NDST4: variants seen among roughly 807,000 people sequenced by gnomAD.
NDST4 encodes N-heparan sulfate sulfotransferase 4.
In NDST4, 63 loss-of-function variants were observed where a neutral mutation model predicts 100.8. The observed-to-expected ratio is 0.62, with a 90% CI of 0.51 to 0.77. The LOEUF is 0.77. Among genes scored for constraint, NDST4 ranks in the 30% least tolerant of loss-of-function variants. NDST4 has a pLI of 0.00. For missense variants in NDST4, 943 were observed against 1,018.4 expected, an observed-to-expected ratio of 0.93 and a Z score of 1.01; for synonymous variants, 377 against 361.8, an observed-to-expected ratio of 1.04 and a Z score of -0.48.
At chr4:114,895,664 C>T (rs999779862) in intron 6 of NDST4, among the ~76,000 whole-genome samples, 1 of 152,036 alleles carries the variant, frequency 6.6e-6, no homozygotes, top group African/African-American at 2.4e-5. Flanking sequence ...ATACCAAAAT[C>T]GAGAAGAGAC....
chr4:115,042,731 CATT>C (rs555156444), intron 2 of NDST4, among the ~76,000 whole-genome samples: 1 of 152,034 alleles, frequency 6.6e-6, no homozygotes, highest in South Asian at 2.1e-4. Context: ...CTACTGCACT[CATT>C]ATATACTAGG....
intron 2 of NDST4, among the ~76,000 whole-genome samples, chr4:115,035,146 G>C (rs539947308): frequency 6.6e-6 from 1 of 152,102 alleles, no homozygotes; most frequent in South Asian, 2.1e-4. Flanking sequence ...AATTTCATTT[G>C]CTTGCAACTT....
intron 6 of NDST4, among the ~76,000 whole-genome samples, chr4:114,919,186 C>T (rs899517627): frequency 9.2e-5 from 14 of 152,292 alleles, no homozygotes; most frequent in African/African-American, 2.6e-4. Context: ...TCTATGCCAT[C>T]GGTCTCTTCC....
intron 2 of NDST4, among the ~76,000 whole-genome samples, chr4:114,981,871 C>A (rs545912052): frequency 6.6e-6 from 1 of 152,106 alleles, no homozygotes; most frequent in African/African-American, 2.4e-5. Context: ...AATCTCACAT[C>A]AAATTGTAAT....
chr4:114,948,214 T>C (rs1210987829), intron 4 of NDST4, among the ~76,000 whole-genome samples: 3 of 152,108 alleles, frequency 2.0e-5, no homozygotes, highest in Non-Finnish European at 4.4e-5. Flanking sequence ...AACACATTTA[T>C]GGAAAAATGT....
At chr4:114,929,109 C>CCATCTATCCATCT (rs1560817101) in intron 6 of NDST4, among the ~76,000 whole-genome samples, 5 of 112,810 alleles carry the variant, frequency 4.4e-5, no homozygotes, top group South Asian at 2.8e-4. Flanking sequence ...TCCATCCATC[C>CCATCTATCCATCT]ATCCATCTAT....
At chr4:114,847,333 G>T (rs951362450) in intron 9 of NDST4, among the ~76,000 whole-genome samples, 2 of 98,716 alleles carry the variant, frequency 2.0e-5, no homozygotes, top group African/African-American at 5.8e-5. Flanking sequence ...CCGAGATCCC[G>T]CCACTGCACT....
At chr4:114,971,827 C>T (rs1472273380) in intron 3 of NDST4, among the ~76,000 whole-genome samples, 1 of 152,026 alleles carries the variant, frequency 6.6e-6, no homozygotes, top group African/African-American at 2.4e-5. Context: ...TGGTGTCACT[C>T]AGTACTTGGA....
intron 4 of NDST4, among the ~76,000 whole-genome samples, chr4:114,937,745 A>T (rs1463547341): frequency 1.3e-5 from 2 of 151,986 alleles, no homozygotes; most frequent in East Asian, 3.9e-4. Flanking sequence ...AAAATTTTGA[A>T]TATGTAAAGT....
At chr4:115,063,052 C>T (rs1728857966) in intron 2 of NDST4, among the ~76,000 whole-genome samples, 1 of 151,910 alleles carries the variant, frequency 6.6e-6, no homozygotes. Flanking sequence ...TGTGTTGCCT[C>T]TCCAGTGGTA....
At chr4:114,946,059 T>C (rs954937541) in intron 4 of NDST4, among the ~76,000 whole-genome samples, 7 of 152,188 alleles carry the variant, frequency 4.6e-5, no homozygotes, top group South Asian at 4.1e-4. Context: ...TTGAGACACA[T>C]CCTTTTAATA....
chr4:114,884,524 T>C (rs1229348314), intron 6 of NDST4, among the ~76,000 whole-genome samples: 1 of 152,140 alleles, frequency 6.6e-6, no homozygotes, highest in East Asian at 1.9e-4. Context: ...GTTCTGATAG[T>C]AGTTCTTTAA....
intron 7 of NDST4, among the ~76,000 whole-genome samples, chr4:114,857,693 A>G (rs1723826468): frequency 6.6e-6 from 1 of 152,212 alleles, no homozygotes; most frequent in South Asian, 2.1e-4. Flanking sequence ...AGTTGTGGGC[A>G]GTGTACCTAG....
At chr4:115,073,992 G>A (rs1167587349) in intron 2 of NDST4, among the ~76,000 whole-genome samples, 2 of 151,758 alleles carry the variant, frequency 1.3e-5, no homozygotes, top group East Asian at 1.9e-4. Flanking sequence ...AAAAGAGGCA[G>A]TAAAGAGTAT....
At chr4:115,069,861 T>C (rs1200303008) in intron 2 of NDST4, among the ~76,000 whole-genome samples, 5 of 152,254 alleles carry the variant, frequency 3.3e-5, no homozygotes, top group African/African-American at 1.2e-4. Context: ...CCCACCTGGG[T>C]GACAGAATGA....
At chr4:114,878,009 G>T (rs1201624890) in intron 6 of NDST4, among the ~76,000 whole-genome samples, 2 of 149,562 alleles carry the variant, frequency 1.3e-5, no homozygotes, top group Non-Finnish European at 3.0e-5. Context: ...AAGAAAGGAA[G>T]AAGAGAAAAG....
At position 114,845,763 on chromosome 4, in the gene NDST4, T is replaced by A. The variant is rs1723534280; in HGVS notation, c.2115+60A>T. The A allele has an allele frequency of 2.0e-6, 3 of 1,466,946 alleles. No individual in the cohort carries two copies. In the Admixed American group the frequency reaches 5.9e-5, roughly 29 times the overall value. 90.9% of individuals were successfully genotyped at this position (1,466,946 alleles called of 1,614,324 possible). On this transcript the variant is annotated intron_variant, in intron 10 of 13. Coordinates refer to ENST00000264363, the MANE Select transcript of NDST4 (RefSeq NM_022569.3). Reference sequence around the variant, plus strand: ...GTTTAGGTTCTATTCTGGTTATTTTTCATTGCCTCCATTTAAGCTATAACA... The same window carrying A: ...GTTTAGGTTCTATTCTGGTTATTTTACATTGCCTCCATTTAAGCTATAACA...
chr4:115,061,228 A>G (rs1311635876), intron 2 of NDST4, among the ~76,000 whole-genome samples: 1 of 152,136 alleles, frequency 6.6e-6, no homozygotes, highest in Non-Finnish European at 1.5e-5. Flanking sequence ...TTTTTCAAGG[A>G]TCTAGAACCA....
intron 2 of NDST4, among the ~76,000 whole-genome samples, chr4:115,033,552 A>G (rs1205743190): frequency 6.6e-6 from 1 of 151,566 alleles, no homozygotes; most frequent in African/African-American, 2.4e-5. Context: ...AATTTATTTG[A>G]TTAATTGTGT....
Sources: gnomAD v4.1 joint callset for allele counts (sites outside exome capture counted in the v4.1 genomes callset) on GRCh38, gnomAD v4.1.1 for gene constraint, MANE v1.5 for transcripts, NCBI Gene and HGNC (gene_info 2026-07-23, HGNC 2026-07-21) for gene names.